Variants in GRHL1 observed in about 807,000 individuals in gnomAD.
The protein encoded by GRHL1 is grainyhead like transcription factor 1, also known as grainyhead-like protein 1 homolog.
In GRHL1, 38 loss-of-function variants were observed where a neutral mutation model predicts 75.7. The observed-to-expected ratio is 0.50, with a 90% CI of 0.39 to 0.66. The LOEUF (loss-of-function observed/expected upper bound fraction) is 0.66. GRHL1 is among the 30% of genes least tolerant of loss of function. The pLI is 0.00. For missense variants in GRHL1, 589 were observed against 767.5 expected (o/e 0.77, Z 2.75); for synonymous variants, 266 against 279.4 (o/e 0.95, Z 0.48).
At chr2:9,980,786 C>T (rs1191989086) in intron 8 of GRHL1, among the ~76,000 whole-genome samples, 1 of 152,186 alleles carries the variant, frequency 6.6e-6, no homozygotes, top group Admixed American at 6.5e-5. Flanking sequence ...CAGCCTACTC[C>T]GATTCTGAAA....
intron 3 of GRHL1, chr2:9,959,503 G>C (rs1031087398): frequency 1.3e-5 from 2 of 152,246 alleles, no homozygotes; most frequent in Non-Finnish European, 2.9e-5. Flanking sequence ...TGTGTTCACA[G>C]ATAGGATTTG....
chr2:9,961,556 G>T, intron 4 of GRHL1, 120 bp downstream of exon 4: 1 of 952,958 alleles, frequency 1.0e-6, no homozygotes, highest in Non-Finnish European at 1.5e-6. Flanking sequence ...AGGAATAAAA[G>T]ATTTTTTTTT....
chr2:9,996,002 T>G, intron 13 of GRHL1, 32 bp downstream of exon 13: 1 of 1,297,274 alleles, frequency 7.7e-7, no homozygotes, highest in Non-Finnish European at 1.1e-6. Context: ...AGTGGGAGTT[T>G]TAAATCAGAA....
chr2:9,973,571 G>T (rs1002475092), intron 8 of GRHL1, among the ~76,000 whole-genome samples: 1 of 152,140 alleles, frequency 6.6e-6, no homozygotes, highest in African/African-American at 2.4e-5. Flanking sequence ...TTAGAAAATG[G>T]TGATTTCATT....
At chr2:9,956,853 G>C (rs1292694374) in intron 2 of GRHL1, among the ~76,000 whole-genome samples, 1 of 152,130 alleles carries the variant, frequency 6.6e-6, no homozygotes, top group East Asian at 1.9e-4. Context: ...GTGCCAGAAA[G>C]GCCCGTGTGA....
intron 5 of GRHL1, among the ~76,000 whole-genome samples, chr2:9,963,585 T>C (rs978701994): frequency 1.3e-5 from 2 of 152,184 alleles, no homozygotes; most frequent in Non-Finnish European, 2.9e-5. Flanking sequence ...TGGATAAATA[T>C]CAGATTGGCA....
intron 9 of GRHL1, among the ~76,000 whole-genome samples, chr2:9,988,783 C>T (rs1044684701): frequency 6.6e-6 from 1 of 152,188 alleles, no homozygotes; most frequent in East Asian, 1.9e-4. Flanking sequence ...CCTTCTCGTT[C>T]TTGTTTCTGC....
intron 8 of GRHL1, among the ~76,000 whole-genome samples, chr2:9,972,663 C>T (rs754349696): frequency 6.6e-6 from 1 of 152,112 alleles, no homozygotes; most frequent in South Asian, 2.1e-4. Context: ...GCCTGCCTGC[C>T]GTGTTCCGTG....
intron 8 of GRHL1, among the ~76,000 whole-genome samples, chr2:9,969,646 A>G (rs1268588643): frequency 2.0e-5 from 3 of 152,204 alleles, no homozygotes; most frequent in Non-Finnish European, 4.4e-5. Flanking sequence ...GAATCCAGTG[A>G]AAACCAGCCA....
chr2:9,965,456 T>C, intron 8 of GRHL1, 75 bp downstream of exon 8: 1 of 330,258 alleles, frequency 3.0e-6, no homozygotes, highest in East Asian at 6.6e-5. Context: ...TGACAACTGA[T>C]TTTTTTTTTT....
rs193148173 is a variant in GRHL1 at position 9,987,947 on chromosome 2, G to C, written c.1269+1665G>C. Among the ~76,000 whole-genome samples the C allele has an allele frequency of 3.6e-3, 555 of 152,212 alleles. 1 individual carries two copies. The highest frequency in any genetic ancestry group is 0.012 in the African/African-American group (485 of 41,524). Reference sequence around the variant, plus strand: ...GTCTTTTATTGAGATTTTTAGAGGGGCTAGGTAACTGGAAGTATGTTTGCT... The same window carrying C: ...GTCTTTTATTGAGATTTTTAGAGGGCCTAGGTAACTGGAAGTATGTTTGCT... On this transcript the variant is annotated intron_variant, in intron 9 of 15. Transcript: ENST00000324907. This position sits in a 1 kb window ranked among gnomAD's most constrained non-coding sequence, Gnocchi z 4.2.
In GRHL1 at chr2:9,961,073, G is replaced by A; in HGVS notation, c.306G>A (p.Gln102=). The change falls in exon 4 of 16, where the codon CAG becomes CAA. Residue 102 remains glutamine, a synonymous_variant. Transcript: ENST00000324907. The part of the protein sequence containing the change: ...KRNSIPIVTE[Q]PLISAGENRV... ...ACAGCATACCAATTGTGACAGAGCA[G>A]CCCCTCATCTCTGCTGGAGAAAACA... 6.4e-7 allele frequency: 1 copy of A among 1,554,540 alleles called. No homozygotes were observed. The highest frequency in any genetic ancestry group is 8.7e-7 in the Non-Finnish European group (1 of 1,147,844).
At position 9,955,053 on chromosome 2, in the gene GRHL1, A is replaced by G. The variant is rs1428302952; in HGVS notation, c.159A>G (p.Gly53=). 3.7e-6 allele frequency: 6 copies of G among 1,613,858 alleles called. No individual in the cohort carries two copies. The highest frequency in any genetic ancestry group is 5.1e-6 in the Non-Finnish European group (6 of 1,179,750). ...CCAAAGCGATGATGAGCATCAATGG[A>G]GATGAAGACAGCGCCGCTGCGCTGG... ...AATKAMMSIN[G]DEDSAAALGL... is the part of the protein sequence containing the mutation. Residue 53 remains glycine, a synonymous_variant, in exon 2 of 16, where the codon GGA becomes GGG. Coordinates refer to ENST00000324907, the MANE Select transcript of GRHL1 (RefSeq NM_198182.3).
chr2:9,989,343 C>G (rs1668547008), intron 9 of GRHL1, among the ~76,000 whole-genome samples: 1 of 152,088 alleles, frequency 6.6e-6, no homozygotes, highest in Non-Finnish European at 1.5e-5. Context: ...AAATCTGTAC[C>G]ATCCAGAAAT....
At position 9,977,776 on chromosome 2, in the gene GRHL1, G is replaced by A. The variant is rs140211844; in HGVS notation, c.1111-8348G>A. On this transcript the variant is annotated intron_variant, in intron 8 of 15. Coordinates refer to ENST00000324907, the MANE Select transcript of GRHL1 (RefSeq NM_198182.3). ...CTTGATCCAGGTGATGACCTTGACC[G>A]AGGCAATGAGAGTATAGAGAAGTGG... 6.3e-4 allele frequency among the ~76,000 whole-genome samples: 96 copies of A among 152,344 alleles called. 1 individual carries two copies. Among genetic ancestry groups the A allele is most frequent in the African/African-American group, 2.2e-3 (90 of 41,570 alleles).
rs1572384498 is a variant in GRHL1 at position 9,990,843 on chromosome 2, T to G, written c.1321+96T>G. 1 of 979,110 alleles carries G rather than the reference T, an allele frequency of 1.0e-6. No homozygotes were observed. Among genetic ancestry groups the G allele is most frequent in the South Asian group, 1.5e-5 (1 of 67,540 alleles). The allele number at this position is 979,110 out of a possible 1,614,324, so 60.7% of individuals were successfully genotyped here. On this transcript the variant is annotated intron_variant, in intron 10 of 15. Coordinates refer to ENST00000324907, the MANE Select transcript of GRHL1 (RefSeq NM_198182.3). The surrounding 1 kb of genome is among the most constrained non-coding windows in gnomAD (Gnocchi z 4.2). Reference sequence around the variant, plus strand: ...TTTCCATTGAGAATGGTGGCTGGAGTTTGCACGCAGAAGACAGTGGGTGTT... The same window carrying G: ...TTTCCATTGAGAATGGTGGCTGGAGGTTGCACGCAGAAGACAGTGGGTGTT...
At chr2:9,994,310 A>AATAATT (rs372607724) in intron 12 of GRHL1, among the ~76,000 whole-genome samples, 2 of 139,184 alleles carry the variant, frequency 1.4e-5, no homozygotes, top group South Asian at 2.5e-4. Context: ...ACACCCATCT[A>AATAATT]ATTATTATTA....
intron 8 of GRHL1, among the ~76,000 whole-genome samples, chr2:9,969,633 T>C (rs2125218519): frequency 6.6e-6 from 1 of 152,260 alleles, no homozygotes; most frequent in East Asian, 1.9e-4. Flanking sequence ...AGCTGCTGTA[T>C]TGGAATCCAG....
chr2:9,954,199 T>A (rs1038685289), intron 1 of GRHL1, among the ~76,000 whole-genome samples: 3 of 152,172 alleles, frequency 2.0e-5, no homozygotes, highest in Admixed American at 6.5e-5. Flanking sequence ...CTATTTTTTT[T>A]AAAACTTTTT....
Sources: gnomAD v4.1 joint callset for allele counts (sites outside exome capture counted in the v4.1 genomes callset) on GRCh38, gnomAD v4.1.1 for gene constraint, Gnocchi (gnomAD v3.1) non-coding constraint, MANE v1.5 for transcripts, NCBI Gene and HGNC (gene_info 2026-07-23, HGNC 2026-07-21) for gene names.